Variants in CEP128 observed in about 807,000 individuals in gnomAD.
The protein encoded by CEP128 is centrosomal protein 128kDa.
A neutral mutation model predicts 156.7 loss-of-function variants in CEP128; 132 were observed. The observed-to-expected ratio is 0.84, with a 90% confidence interval of 0.73 to 0.97. CEP128 has a LOEUF of 0.97. Among genes scored for constraint, CEP128 ranks in the 50% least tolerant of loss-of-function variants. CEP128 has a pLI of 0.00. For missense variants in CEP128, 1,252 were observed against 1,281.9 expected (o/e 0.98, Z 0.36); for synonymous variants, 469 against 448.9 (o/e 1.04, Z -0.57).
chr14:80,601,559 A>G (rs1892582996), intron 19 of CEP128, among the ~76,000 whole-genome samples: 1 of 152,196 alleles, frequency 6.6e-6, no homozygotes, highest in Admixed American at 6.5e-5. Flanking sequence ...GTATATTTAC[A>G]CAAACCTAGA....
intron 9 of CEP128, 55 bp downstream of exon 9, chr14:80,862,702 C>G (rs545882474): frequency 1.7e-6 from 2 of 1,184,886 alleles, no homozygotes; most frequent in African/African-American, 3.0e-5. Context: ...TTTAACATGG[C>G]TAAATAAACA....
In CEP128 at chr14:80,505,719, T is replaced by G. The variant is rs1021520649; in HGVS notation, c.3073-699A>C. ...CAGCTATAACTTTAAATAATTTTAC[T>G]AATAAAATAGATTTAAAATACGTGT... On this transcript the variant is annotated intron_variant, in intron 23 of 24. Transcript: ENST00000555265. 2.0e-5 allele frequency among the ~76,000 whole-genome samples: 3 copies of G among 152,246 alleles called. 1 individual carries two copies. In the East Asian group the frequency reaches 5.8e-4, roughly 29 times the overall value.
intron 19 of CEP128, among the ~76,000 whole-genome samples, chr14:80,673,645 CAAAAAA>C (rs4016509): frequency 9.1e-5 from 4 of 43,966 alleles, no homozygotes; most frequent in African/African-American, 2.5e-4. Context: ...GACTCCGTCT[CAAAAAA>C]AAAAAAAAAA....
chr14:80,569,163 T>G (rs1891037633), intron 20 of CEP128, among the ~76,000 whole-genome samples: 1 of 152,174 alleles, frequency 6.6e-6, no homozygotes, highest in Admixed American at 6.5e-5. Context: ...CTATAATAAT[T>G]TCAAACAAAT....
intron 13 of CEP128, among the ~76,000 whole-genome samples, chr14:80,815,063 GGC>G (rs1884772715): frequency 6.6e-6 from 1 of 151,586 alleles, no homozygotes; most frequent in African/African-American, 2.4e-5. Context: ...GTCTCAAAAA[GGC>G]AAAAAGAAAC....
chr14:80,876,552 G>T (rs148265306), intron 8 of CEP128, among the ~76,000 whole-genome samples: 11 of 150,732 alleles, frequency 7.3e-5, no homozygotes, highest in Admixed American at 2.0e-4. Context: ...AGTCGAGATC[G>T]TGCCACTGCA....
At chr14:80,614,111 C>A (rs1893115434) in intron 19 of CEP128, among the ~76,000 whole-genome samples, 1 of 151,202 alleles carries the variant, frequency 6.6e-6, no homozygotes, top group Admixed American at 6.6e-5. Context: ...TAAAAATTAA[C>A]AAGCAAGATA....
chr14:80,917,702 C>T (rs963028369), intron 2 of CEP128, among the ~76,000 whole-genome samples: 3 of 152,026 alleles, frequency 2.0e-5, no homozygotes, highest in African/African-American at 7.3e-5. Flanking sequence ...TCTTAGACTT[C>T]CAAGATCTTT....
intron 19 of CEP128, among the ~76,000 whole-genome samples, chr14:80,693,641 T>C (rs1896792336): frequency 6.6e-6 from 1 of 152,126 alleles, no homozygotes; most frequent in Admixed American, 6.6e-5. Context: ...AACAAAGAAG[T>C]TTCCAATACT....
In CEP128 at chr14:80,892,055, G is replaced by GA. The variant is rs544529899; in HGVS notation, c.645+3662dup. On this transcript the variant is annotated intron_variant, in intron 8 of 24. Transcript: ENST00000555265. The stretch of plus-strand genomic sequence containing the variant: ...AAAATCCTAATGGCATTCCTCACAG[G>GA]AAAAAAAAAAAATCCTAAAATTTGT... Among the ~76,000 whole-genome samples the GA allele has an allele frequency of 1.8e-3, 255 of 139,906 alleles. 1 individual carries two copies. The highest frequency in any genetic ancestry group is 7.5e-3 in the Middle Eastern group (2 of 268). The allele number at this position is 139,906 out of a possible 152,430, so 91.8% of individuals were successfully genotyped here.
intron 8 of CEP128, among the ~76,000 whole-genome samples, chr14:80,867,950 C>A (rs570833752): frequency 2.0e-5 from 3 of 151,824 alleles, no homozygotes; most frequent in African/African-American, 4.8e-5. Context: ...GAGAAAATGC[C>A]GAAAGCAGCA....
At chr14:80,582,284 T>C (rs903969434) in intron 19 of CEP128, among the ~76,000 whole-genome samples, 5 of 152,124 alleles carry the variant, frequency 3.3e-5, no homozygotes, top group Non-Finnish European at 5.9e-5. Context: ...AAATGGAATT[T>C]TGGAGTGGTT....
intron 10 of CEP128, among the ~76,000 whole-genome samples, chr14:80,838,761 C>T (rs190139674): frequency 6.6e-6 from 1 of 152,090 alleles, no homozygotes; most frequent in African/African-American, 2.4e-5. Context: ...TTCCTACATT[C>T]CTAATATTTC....
At chr14:80,804,844 AT>A (rs1276779296) in intron 13 of CEP128, among the ~76,000 whole-genome samples, 2 of 152,154 alleles carry the variant, frequency 1.3e-5, no homozygotes, top group East Asian at 3.9e-4. Flanking sequence ...TGCATATAAC[AT>A]TACTGATGTG....
chr14:80,706,486 T>C (rs1020526762), intron 19 of CEP128, among the ~76,000 whole-genome samples: 1 of 152,070 alleles, frequency 6.6e-6, no homozygotes, highest in Admixed American at 6.6e-5. Flanking sequence ...CTGTGAAGCC[T>C]AGGCCTCCAT....
chr14:80,656,571 T>C (rs1280910098), intron 19 of CEP128, among the ~76,000 whole-genome samples: 3 of 151,818 alleles, frequency 2.0e-5, no homozygotes, highest in Non-Finnish European at 2.9e-5. Flanking sequence ...ATGGTGTTAA[T>C]TGGAAATTAA....
At chr14:80,477,476 T>C (rs1053094809) in exon 15 of CEP128, 4 of 152,188 alleles carry the variant, frequency 2.6e-5, no homozygotes, top group Non-Finnish European at 4.4e-5. Context: ...AAAAGAATTA[T>C]GAACAAAGTC....
chr14:80,807,796 C>T (rs866632002), intron 13 of CEP128, among the ~76,000 whole-genome samples: 33 of 152,168 alleles, frequency 2.2e-4, no homozygotes, highest in African/African-American at 7.7e-4. Flanking sequence ...TGTGAGAGCA[C>T]AGCCATCATA....
intron 13 of CEP128, among the ~76,000 whole-genome samples, chr14:80,795,620 C>T (rs327429): frequency 0.63 from 96,171 of 151,982 alleles, 30,872 homozygotes; most frequent in East Asian, 0.79. Flanking sequence ...AGTCAACTCA[C>T]TGGCACCCAG....
Sources: gnomAD v4.1 joint callset for allele counts (sites outside exome capture counted in the v4.1 genomes callset) on GRCh38, gnomAD v4.1.1 for gene constraint, MANE v1.5 for transcripts, NCBI Gene and HGNC (gene_info 2026-07-23, HGNC 2026-07-21) for gene names.